POU6F2: variants seen among roughly 807,000 people sequenced by gnomAD.
POU6F2 encodes the protein POU class 6 homeobox 2, also known as POU domain, class 6, transcription factor 2.
POU6F2 carries 31 observed loss-of-function variants against 71.3 expected under a neutral mutation model. That is an observed-to-expected ratio of 0.43 (90% confidence interval 0.33 to 0.59). POU6F2 has a LOEUF of 0.59. Ranked by LOEUF, POU6F2 falls within the 20% of genes least tolerant of loss-of-function variation. The probability of loss-of-function intolerance (pLI) is 0.04; values close to 1 mark genes in which losing one functional copy is unlikely to be tolerated. For missense variants in POU6F2, 783 were observed against 856.8 expected, an observed-to-expected ratio of 0.91 and a Z score of 1.07; for synonymous variants, 347 against 355.7, an observed-to-expected ratio of 0.98 and a Z score of 0.27.
chr7:39,318,064 A>G (rs777065931), intron 4 of POU6F2, among the ~76,000 whole-genome samples: 1 of 152,110 alleles, frequency 6.6e-6, no homozygotes, highest in Non-Finnish European at 1.5e-5. Context: ...CTCTCTTCCC[A>G]CACTAACCCT....
intron 5 of POU6F2, among the ~76,000 whole-genome samples, chr7:39,364,275 T>TA (rs977299719): frequency 2.0e-5 from 3 of 148,060 alleles, no homozygotes; most frequent in Non-Finnish European, 3.0e-5. Context: ...TTTTTTTTTT[T>TA]ATTTCCATAG....
chr7:39,009,732 AG>A (rs1297093541), intron 1 of POU6F2, among the ~76,000 whole-genome samples: 2 of 151,816 alleles, frequency 1.3e-5, no homozygotes, highest in African/African-American at 2.4e-5. Flanking sequence ...TTTAGCATGA[AG>A]GGTTGTTGAA....
chr7:39,182,308 A>T (rs1486200410), intron 2 of POU6F2, among the ~76,000 whole-genome samples: 1 of 152,106 alleles, frequency 6.6e-6, no homozygotes, highest in Non-Finnish European at 1.5e-5. Context: ...CTTTTTTCAC[A>T]TTCCTCAAAT....
chr7:39,006,199 C>T (rs989462668), intron 1 of POU6F2, among the ~76,000 whole-genome samples: 1 of 152,144 alleles, frequency 6.6e-6, no homozygotes, highest in Non-Finnish European at 1.5e-5. Flanking sequence ...CGCGGTGGCT[C>T]ACACCTGTAA....
At chr7:39,260,990 A>G (rs961625562) in intron 4 of POU6F2, among the ~76,000 whole-genome samples, 2 of 151,622 alleles carry the variant, frequency 1.3e-5, no homozygotes, top group Admixed American at 6.6e-5. Context: ...TATCACACAC[A>G]CATCACAGCA....
intron 6 of POU6F2, among the ~76,000 whole-genome samples, chr7:39,412,701 A>C (rs1787573998): frequency 6.7e-6 from 1 of 150,174 alleles, no homozygotes; most frequent in Non-Finnish European, 1.5e-5. Flanking sequence ...TAATTTTTGC[A>C]AAACAATACA....
chr7:39,061,510 A>G (rs1490883756), intron 1 of POU6F2, among the ~76,000 whole-genome samples: 1 of 152,240 alleles, frequency 6.6e-6, no homozygotes, highest in Non-Finnish European at 1.5e-5. Context: ...TTACCAATTC[A>G]TAATTTTGCA....
At chr7:39,174,970 T>C (rs1045381288) in intron 2 of POU6F2, among the ~76,000 whole-genome samples, 3 of 152,182 alleles carry the variant, frequency 2.0e-5, no homozygotes, top group African/African-American at 7.2e-5. Flanking sequence ...ATTTCTCTTC[T>C]CCTGTGACCT....
intron 2 of POU6F2, among the ~76,000 whole-genome samples, chr7:39,190,948 C>G (rs745862397): frequency 6.6e-6 from 1 of 152,120 alleles, no homozygotes; most frequent in Non-Finnish European, 1.5e-5. Flanking sequence ...TCAACTTCTT[C>G]TAATAAGGCA....
At chr7:39,237,014 G>T (rs1265133719) in intron 4 of POU6F2, among the ~76,000 whole-genome samples, 2 of 152,022 alleles carry the variant, frequency 1.3e-5, no homozygotes, top group Admixed American at 1.3e-4. Flanking sequence ...AATAAATCAG[G>T]GTATTGGGAA....
chr7:38,999,190 C>T (rs1229016), intron 1 of POU6F2, among the ~76,000 whole-genome samples: 28,528 of 152,044 alleles, frequency 0.19, 2,866 homozygotes, highest in Middle Eastern at 0.27. Flanking sequence ...GTGGAATATA[C>T]TGTTTGGCTA....
At chr7:39,300,375 C>G (rs772752948) in intron 4 of POU6F2, among the ~76,000 whole-genome samples, 4 of 152,032 alleles carry the variant, frequency 2.6e-5, no homozygotes. Context: ...TGATAGGGAC[C>G]TTAGGAAGGT....
intron 4 of POU6F2, among the ~76,000 whole-genome samples, chr7:39,285,732 TA>T (rs1784638417): frequency 6.6e-6 from 1 of 152,196 alleles, no homozygotes; most frequent in Admixed American, 6.5e-5. Context: ...TAAAATGTTG[TA>T]AAAAGACTGG....
chr7:39,114,789 G>T (rs182971418), intron 2 of POU6F2, among the ~76,000 whole-genome samples: 1 of 152,006 alleles, frequency 6.6e-6, no homozygotes, highest in African/African-American at 2.4e-5. Context: ...CTGCTAATTG[G>T]AGAAATCATC....
intron 4 of POU6F2, among the ~76,000 whole-genome samples, chr7:39,213,127 C>G (rs1390732252): frequency 6.6e-6 from 1 of 152,142 alleles, no homozygotes; most frequent in Non-Finnish European, 1.5e-5. Context: ...TGTGAACATT[C>G]CAGTTAAGTC....
chr7:39,117,530 C>G (rs1791956663), intron 2 of POU6F2, among the ~76,000 whole-genome samples: 1 of 152,070 alleles, frequency 6.6e-6, no homozygotes, highest in South Asian at 2.1e-4. Flanking sequence ...TGACCCTGAA[C>G]AAGACAGTTC....
chr7:39,137,629 A>C (rs1389937516), intron 2 of POU6F2, among the ~76,000 whole-genome samples: 6 of 152,212 alleles, frequency 3.9e-5, no homozygotes, highest in Admixed American at 3.9e-4. Context: ...GGTTGTCACA[A>C]AAAAGACAAC....
At chr7:39,144,414 G>T (rs1792572138) in intron 2 of POU6F2, among the ~76,000 whole-genome samples, 1 of 152,166 alleles carries the variant, frequency 6.6e-6, no homozygotes, top group Admixed American at 6.5e-5. Context: ...TTTCTTTGGA[G>T]CTATATCTTA....
intron 1 of POU6F2, among the ~76,000 whole-genome samples, chr7:39,031,284 A>T (rs1789937274): frequency 6.6e-6 from 1 of 152,196 alleles, no homozygotes; most frequent in African/African-American, 2.4e-5. Flanking sequence ...TGTTTAGCTC[A>T]TTAATATACT....
Sources: allele counts gnomAD v4.1 joint callset (sites outside exome capture counted in the v4.1 genomes callset), GRCh38; gene constraint gnomAD v4.1.1; transcripts MANE v1.5; gene names NCBI Gene and HGNC (gene_info 2026-07-23, HGNC 2026-07-21).